The following CUX1 variants were observed in gnomAD, a reference collection of about 807,000 sequenced individuals.
The protein encoded by CUX1 is protein CASP.
CUX1 carries 31 observed loss-of-function variants against 158.8 expected under a neutral mutation model. That is an observed-to-expected ratio of 0.20 (90% confidence interval 0.15 to 0.26). CUX1 has a LOEUF of 0.26. Among genes scored for constraint, CUX1 ranks in the 10% least tolerant of loss-of-function variants. CUX1 has a pLI of 1.00. For synonymous variants in CUX1, 879 were observed against 862.1 expected, an observed-to-expected ratio of 1.02 and a Z score of -0.34; for missense variants, 1,589 against 2,014.6, an observed-to-expected ratio of 0.79 and a Z score of 4.04.
At chr7:102,246,121 C>T (rs773423219) in intron 23 of CUX1, among the ~76,000 whole-genome samples, 7 of 152,222 alleles carry the variant, frequency 4.6e-5, no homozygotes, top group Non-Finnish European at 7.3e-5. Flanking sequence ...AAAGCCTGTA[C>T]TCTGGTTTTG....
At position 102,252,275 on chromosome 7, in the gene CUX1, G is replaced by C. The variant is rs1801598035; in HGVS notation, c.*3233G>C. ...TTGGGCCCCTCAGTTGGAGTCTAAG[G>C]GTTAATCTCTCATCTTGCTAAGCAG... On this transcript the variant is annotated 3_prime_UTR_variant, in exon 24 of 24. Coordinates refer to ENST00000292535, the MANE Select transcript of CUX1 (RefSeq NM_181552.4). The C allele has an allele frequency of 1.0e-6, 1 of 985,262 alleles. No homozygotes were observed. The highest frequency in any genetic ancestry group is 1.2e-6 in the Non-Finnish European group (1 of 829,950). The allele number at this position is 985,262 out of a possible 1,614,324, so 61.0% of individuals were successfully genotyped here.
intron 2 of CUX1, among the ~76,000 whole-genome samples, chr7:102,000,312 G>GAA (rs1325005087): frequency 1.3e-5 from 2 of 152,110 alleles, no homozygotes; most frequent in African/African-American, 4.8e-5. Flanking sequence ...CTTGCTTCTG[G>GAA]ACGCTAGCAC....
rs566005268 is a variant in CUX1 at position 102,002,335 on chromosome 7, T to G, written c.142-25763T>G. 5.3e-5 allele frequency among the ~76,000 whole-genome samples: 8 copies of G among 152,258 alleles called. No homozygotes were observed. In the South Asian group the frequency reaches 1.7e-3, roughly 32 times the overall value. ...AATAAATATATATAGTGTGTGTGTG[T>G]GGTTGCAACTTTTGCACATCACCTT... On this transcript the variant is annotated intron_variant, in intron 2 of 23. Transcript: ENST00000292535.
chr7:102,080,667 C>T (rs1465151450), intron 4 of CUX1, among the ~76,000 whole-genome samples: 4 of 152,156 alleles, frequency 2.6e-5, no homozygotes, highest in African/African-American at 4.8e-5. Context: ...CGCCACCCTG[C>T]GCCCTCTCCA....
At chr7:101,947,922 A>C (rs1808594818) in intron 2 of CUX1, among the ~76,000 whole-genome samples, 2 of 152,202 alleles carry the variant, frequency 1.3e-5, no homozygotes, top group South Asian at 4.1e-4. Context: ...CCTGAGGACT[A>C]TTGCTTACGG....
intron 3 of CUX1, among the ~76,000 whole-genome samples, chr7:102,040,489 T>TC (rs1821941888): frequency 6.6e-6 from 1 of 152,276 alleles, no homozygotes; most frequent in Non-Finnish European, 1.5e-5. Context: ...CCCTTTGGTC[T>TC]CCCCTTTGAA....
At chr7:101,857,540 G>T (rs1168929309) in intron 1 of CUX1, among the ~76,000 whole-genome samples, 1 of 152,202 alleles carries the variant, frequency 6.6e-6, no homozygotes, top group East Asian at 1.9e-4. Flanking sequence ...AAGCGAGGAT[G>T]GGGTTTCACC....
chr7:102,060,608 A>ACACACACACACAC lies in CUX1; in HGVS notation c.190-9731_190-9730insCACACACACACAC, dbSNP rs1824723298. ...ATATATATATACACACACACAAATA[A>ACACACACACACAC]ACACACACACACACACACACACACA... On this transcript the variant is annotated intron_variant, in intron 3 of 23. Transcript: ENST00000292535. 1.1e-3 allele frequency among the ~76,000 whole-genome samples: 147 copies of ACACACACACACAC among 133,302 alleles called. 1 individual carries two copies. In the East Asian group the frequency reaches 0.016, roughly 14 times the overall value. 87.5% of individuals were successfully genotyped at this position (133,302 alleles called of 152,430 possible).
chr7:102,193,861 T>C lies in CUX1; in HGVS notation c.1096T>C (p.Phe366Leu), dbSNP rs1554517604. ...KELNILKSME[F>L]APSEGAGTQD... ...TTGCAGCATTCTGAAGTCCATGGAG[T>C]TTGCACCGTCCGAGGGCGCTGGGAC... is the stretch of plus-strand genomic sequence containing the variant. Residue 366 changes from phenylalanine (F) to leucine (L), a missense_variant, in exon 13 of 24, where the codon TTT becomes CTT. Physicochemically the swap from Phe to Leu is conservative, Grantham distance 22 (BLOSUM62 0). This residue lies in a region of CUX1 where 515 missense variants were observed against 574.4 expected (regional missense o/e 0.90). Coordinates refer to ENST00000292535, the MANE Select transcript of CUX1 (RefSeq NM_181552.4). 2 of 1,613,920 alleles carry C rather than the reference T, an allele frequency of 1.2e-6. No homozygotes were observed. The highest frequency in any genetic ancestry group is 2.2e-5 in the South Asian group (2 of 91,066).
At chr7:102,219,595 C>T (rs938301376) in intron 20 of CUX1, among the ~76,000 whole-genome samples, 1 of 152,304 alleles carries the variant, frequency 6.6e-6, no homozygotes, top group Non-Finnish European at 1.5e-5. Context: ...TAGCTGCTCA[C>T]CTTCTTGGAA....
rs113427850 is a variant in CUX1, at chr7:102,228,979, G to A, written c.3433+1310G>A. Reference sequence around the variant, plus strand: ...CCTGCATTCTCAGATCCCCCTCCACGAAACTGGAGTAACCACGCCTGCCTG... The same window carrying A: ...CCTGCATTCTCAGATCCCCCTCCACAAAACTGGAGTAACCACGCCTGCCTG... On this transcript the variant is annotated intron_variant, in intron 21 of 23. Coordinates refer to ENST00000292535, the MANE Select transcript of CUX1 (RefSeq NM_181552.4). 2.7e-3 allele frequency among the ~76,000 whole-genome samples: 411 copies of A among 152,300 alleles called. 2 individuals carry two copies. The highest frequency in any genetic ancestry group is 9.2e-3 in the African/African-American group (384 of 41,566).
chr7:101,930,348 C>T (rs1245963365), intron 2 of CUX1, among the ~76,000 whole-genome samples: 2 of 152,182 alleles, frequency 1.3e-5, no homozygotes, highest in Non-Finnish European at 2.9e-5. Context: ...GCCTTCTTAA[C>T]TTACGGAATT....
chr7:101,962,299 C>A (rs1240945466), intron 2 of CUX1, among the ~76,000 whole-genome samples: 2 of 152,210 alleles, frequency 1.3e-5, no homozygotes, highest in Admixed American at 1.3e-4. Context: ...ACAGAGCTAA[C>A]TGCACAGAAA....
chr7:102,038,914 C>T (rs532966642), intron 3 of CUX1, among the ~76,000 whole-genome samples: 1 of 152,164 alleles, frequency 6.6e-6, no homozygotes, highest in East Asian at 1.9e-4. Context: ...CACTGCACCC[C>T]AGCCTAGGAG....
chr7:102,119,192 C>T (rs1315626360), intron 8 of CUX1, among the ~76,000 whole-genome samples: 3 of 152,196 alleles, frequency 2.0e-5, no homozygotes, highest in East Asian at 1.9e-4. Flanking sequence ...CTGAAATTAA[C>T]GGCCTTGGAG....
intron 8 of CUX1, among the ~76,000 whole-genome samples, chr7:102,140,768 G>C (rs994182629): frequency 1.3e-5 from 2 of 151,938 alleles, no homozygotes; most frequent in South Asian, 2.1e-4. Flanking sequence ...GGGAGGCTGA[G>C]GCAGGAGAAT....
intron 3 of CUX1, among the ~76,000 whole-genome samples, chr7:102,046,337 A>G (rs1466437624): frequency 6.6e-6 from 1 of 151,558 alleles, no homozygotes; most frequent in African/African-American, 2.4e-5. Context: ...GGTTCAAGTG[A>G]TTCTCCTGCC....
chr7:102,153,363 C>G (rs940155891), intron 8 of CUX1: 1 of 152,262 alleles, frequency 6.6e-6, no homozygotes, highest in African/African-American at 2.4e-5. Flanking sequence ...AACACCAGGT[C>G]GCAAGTGAGG....
chr7:102,217,142 G>A (rs573068701), intron 20 of CUX1, among the ~76,000 whole-genome samples: 3 of 152,310 alleles, frequency 2.0e-5, no homozygotes, highest in South Asian at 2.1e-4. Context: ...GGAACAAGGC[G>A]AGCCTGTGCC....
Sources: allele counts gnomAD v4.1 joint callset (sites outside exome capture counted in the v4.1 genomes callset), GRCh38; gene constraint gnomAD v4.1.1; regional missense constraint gnomAD v4.1.1; transcripts MANE v1.5; gene names NCBI Gene and HGNC (gene_info 2026-07-23, HGNC 2026-07-21).